The following ADGB variants were observed in gnomAD, a reference collection of about 807,000 sequenced individuals.
ADGB encodes calpain-7-like protein.
ADGB carries 172 observed loss-of-function variants against 210.5 expected under a neutral mutation model. The ratio of observed to expected loss-of-function variants is 0.82; its 90% CI spans 0.72 to 0.93. ADGB has a LOEUF of 0.93. ADGB is among the 40% of genes least tolerant of loss of function. ADGB has a pLI of 0.00. For missense variants in ADGB, 2,025 were observed against 1,964.8 expected, an observed-to-expected ratio of 1.03 and a Z score of -0.58; for synonymous variants, 658 against 662.7, an observed-to-expected ratio of 0.99 and a Z score of 0.11.
intron 33 of ADGB, among the ~76,000 whole-genome samples, chr6:146,788,989 C>G (rs1280689272): frequency 6.6e-6 from 1 of 152,126 alleles, no homozygotes; most frequent in Non-Finnish European, 1.5e-5. Context: ...CCTTTCATAG[C>G]AAATTTTAAG....
chr6:146,691,210 C>A lies in ADGB; in HGVS notation c.1406C>A (p.Ala469Glu), dbSNP rs965745109. Residue 469 changes from alanine to glutamate, a missense_variant, in exon 11 of 36, where the codon GCA becomes GAA. Coordinates refer to ENST00000397944, the MANE Select transcript of ADGB (RefSeq NM_024694.4). ...VTRSRSCPLV[A>E]PPKPPPLPPW... The stretch of plus-strand genomic sequence containing the variant: ...AGAAGTAGGTCTTGTCCTCTGGTAG[C>A]ACCACCAAAACCACCTCCTCTACCT... 4.5e-6 allele frequency: 7 copies of A among 1,549,434 alleles called. No individual in the cohort carries two copies. Among genetic ancestry groups the A allele is most frequent in the Non-Finnish European group, 6.1e-6 (7 of 1,146,394 alleles).
intron 25 of ADGB, among the ~76,000 whole-genome samples, chr6:146,743,791 G>T (rs9322072): frequency 1.3e-5 from 2 of 152,160 alleles, no homozygotes; most frequent in Non-Finnish European, 2.9e-5. Context: ...GCGTGCGCCT[G>T]TAGTCCCAGC....
chr6:146,669,899 A>G (rs1202221930), intron 7 of ADGB, among the ~76,000 whole-genome samples: 1 of 152,078 alleles, frequency 6.6e-6, no homozygotes, highest in Non-Finnish European at 1.5e-5. Flanking sequence ...TCAACCTCCT[A>G]AACTGCACCA....
At chr6:146,761,967 T>TA (rs1377734506) in intron 27 of ADGB, among the ~76,000 whole-genome samples, 1 of 152,140 alleles carries the variant, frequency 6.6e-6, no homozygotes, top group Non-Finnish European at 1.5e-5. Context: ...CATCTTCACA[T>TA]GACCCTCTTA....
At chr6:146,780,823 G>A (rs1777787858) in intron 29 of ADGB, among the ~76,000 whole-genome samples, 1 of 152,052 alleles carries the variant, frequency 6.6e-6, no homozygotes, top group Non-Finnish European at 1.5e-5. Context: ...TAGAAGGCTT[G>A]AACAACTCTG....
At chr6:146,740,743 T>G in intron 24 of ADGB, 150 bp downstream of exon 24, 1 of 713,620 alleles carries the variant, frequency 1.4e-6, no homozygotes, top group East Asian at 3.1e-5. Flanking sequence ...TTAAATGAGA[T>G]ATTATAGAAA....
At chr6:146,630,323 C>G (rs1781042885) in intron 1 of ADGB, among the ~76,000 whole-genome samples, 1 of 151,790 alleles carries the variant, frequency 6.6e-6, no homozygotes, top group South Asian at 2.1e-4. Context: ...CTTGGAAGGC[C>G]AAGGTGGAAG....
chr6:146,651,626 C>G (rs1376573271), intron 3 of ADGB, among the ~76,000 whole-genome samples: 1 of 152,108 alleles, frequency 6.6e-6, no homozygotes, highest in African/African-American at 2.4e-5. Context: ...TTGTTGATAT[C>G]ATTGATATCA....
intron 12 of ADGB, 92 bp from the exon 13 acceptor site, chr6:146,700,849 C>G: frequency 1.4e-6 from 2 of 1,386,990 alleles, no homozygotes; most frequent in African/African-American, 2.9e-5. Context: ...ACAATCAGAA[C>G]TTTCTATTGT....
chr6:146,811,996 C>G (rs910747395), intron 35 of ADGB, among the ~76,000 whole-genome samples: 2 of 152,096 alleles, frequency 1.3e-5, no homozygotes, highest in Non-Finnish European at 2.9e-5. Context: ...TAAACTATTA[C>G]TCTTTAAGCT....
intron 1 of ADGB, among the ~76,000 whole-genome samples, chr6:146,611,954 G>A (rs1418755236): frequency 3.9e-5 from 6 of 151,944 alleles, no homozygotes; most frequent in Non-Finnish European, 5.9e-5. Context: ...GCATATCCTG[G>A]GAAATGGCAA....
chr6:146,693,588 G>T (rs1776361970), intron 12 of ADGB, among the ~76,000 whole-genome samples: 1 of 152,194 alleles, frequency 6.6e-6, no homozygotes, highest in African/African-American at 2.4e-5. Context: ...GTAGGGTGCA[G>T]CTGTAACAAA....
Position 146,752,576 on chromosome 6 carries a change from C to T in ADGB, c.3412C>T (p.Arg1138Cys), listed in dbSNP as rs377368003. Residue 1138 changes from arginine (R) to cysteine (C), a missense_variant, in exon 27 of 36, where the codon CGC becomes TGC. Transcript: ENST00000397944. ...ACCACAACCTGCTACAATACAGGTA[C>T]GCACATCCAAACCAGATGCATTCAT... Reference protein sequence around the residue: ...LTPQPATIQVRTSKPDAFIKL... With the variant: ...LTPQPATIQVCTSKPDAFIKL... 215 of 1,550,404 alleles carry T rather than the reference C, an allele frequency of 1.4e-4. No individual in the cohort carries two copies. In the African/African-American group the frequency reaches 2.1e-3, roughly 15 times the overall value.
chr6:146,620,464 C>T (rs573013818), intron 1 of ADGB, among the ~76,000 whole-genome samples: 3 of 151,972 alleles, frequency 2.0e-5, no homozygotes, highest in Admixed American at 6.6e-5. Context: ...GTTTTCTTCA[C>T]TCACTTTTAT....
At chr6:146,786,097 G>A (rs1205806226) in intron 32 of ADGB, among the ~76,000 whole-genome samples, 1 of 148,234 alleles carries the variant, frequency 6.7e-6, no homozygotes, top group Non-Finnish European at 1.5e-5. Context: ...ATAACAAAAA[G>A]AAGTCATTTT....
At position 146,644,716 on chromosome 6, in the gene ADGB, TG is replaced by T. The variant is rs572145676; in HGVS notation, c.238-56del. 5.1e-4 allele frequency: 540 copies of T among 1,058,384 alleles called. 4 individuals are homozygous for T. In the Admixed American group the frequency reaches 0.011, roughly 22 times the overall value. The allele number at this position is 1,058,384 out of a possible 1,614,324, so 65.6% of individuals were successfully genotyped here. A position where few individuals can be genotyped will look rare whatever the true frequency, so the allele number is the denominator to read the frequency against. ...GCACTTATTTCTTTTTTATTAAAAT[TG>T]TTTTTTTATTTTAATAAAAGAATAT... is the stretch of plus-strand genomic sequence containing the variant. On this transcript the variant is annotated intron_variant, in intron 2 of 35. Transcript: ENST00000397944.
In ADGB at chr6:146,721,484, G is replaced by T. The variant is rs1486890905; in HGVS notation, c.2074G>T (p.Val692Leu). 5 of 1,548,764 alleles carry T rather than the reference G, an allele frequency of 3.2e-6. No individual in the cohort carries two copies. The highest frequency in any genetic ancestry group is 8.7e-7 in the Non-Finnish European group (1 of 1,144,436). The change falls in exon 17 of 36, where the codon GTA (valine) becomes TTA (leucine). Residue 692 changes from valine to leucine, a missense_variant. By Grantham distance (32) the Val-to-Leu change is conservative. Transcript: ENST00000397944. ...IELLVCFSAL[V>L]RWGEYGALTK... is the part of the protein sequence containing the mutation. ...ACTACTGGTTTGCTTTTCTGCATTG[G>T]TACGCTGGGGGGAGTATGGAGGTAA...
At chr6:146,708,670 A>G (rs1776613334) in intron 13 of ADGB, among the ~76,000 whole-genome samples, 1 of 152,102 alleles carries the variant, frequency 6.6e-6, no homozygotes, top group Non-Finnish European at 1.5e-5. Flanking sequence ...TGATTACAGT[A>G]TGTCTTGGTG....
intron 20 of ADGB, among the ~76,000 whole-genome samples, chr6:146,731,982 C>A (rs1234865158): frequency 2.6e-5 from 4 of 152,080 alleles, no homozygotes; most frequent in African/African-American, 7.2e-5. Context: ...AGATACAGCA[C>A]CAGATATTGG....
Sources: allele counts gnomAD v4.1 joint callset (sites outside exome capture counted in the v4.1 genomes callset), GRCh38; gene constraint gnomAD v4.1.1; transcripts MANE v1.5; gene names NCBI Gene and HGNC (gene_info 2026-07-23, HGNC 2026-07-21).